The following WDR27 variants were observed in gnomAD, a reference collection of about 807,000 sequenced individuals.
The protein encoded by WDR27 is WD repeat-containing protein 27.
WDR27 carries 100 observed loss-of-function variants against 114.4 expected under a neutral mutation model. That is an observed-to-expected ratio of 0.87 (90% confidence interval 0.74 to 1.03). The LOEUF (loss-of-function observed/expected upper bound fraction) is 1.03, where lower values mean the gene tolerates loss of function less well. Ranked by LOEUF, WDR27 falls within the 50% of genes least tolerant of loss-of-function variation. The pLI is 0.00. For synonymous variants in WDR27, 449 were observed against 423.1 expected, an observed-to-expected ratio of 1.06 and a Z score of -0.75; for missense variants, 1,129 against 1,092.9, an observed-to-expected ratio of 1.03 and a Z score of -0.47.
At chr6:169,489,017 A>G (rs905147612) in intron 25 of WDR27, among the ~76,000 whole-genome samples, 4 of 150,108 alleles carry the variant, frequency 2.7e-5, no homozygotes, top group South Asian at 2.1e-4. Context: ...CTGTTGATAC[A>G]TAATCATTTA....
chr6:169,578,147 G>C (rs921942976), intron 24 of WDR27, among the ~76,000 whole-genome samples: 6 of 152,204 alleles, frequency 3.9e-5, no homozygotes, highest in Non-Finnish European at 7.3e-5. Context: ...GGGAAACGCA[G>C]GTCCTTCTGA....
chr6:169,554,281 A>C (rs1418961325), intron 25 of WDR27, among the ~76,000 whole-genome samples: 1 of 152,170 alleles, frequency 6.6e-6, no homozygotes, highest in Admixed American at 6.5e-5. Flanking sequence ...ACGGGGCTGC[A>C]GTCGGGCACA....
the WDR27 span, among the ~76,000 whole-genome samples, chr6:169,435,399 G>C: frequency 6.6e-6 from 1 of 152,172 alleles, no homozygotes; most frequent in Non-Finnish European, 1.5e-5. Flanking sequence ...CCAACAACTT[G>C]CACCGTGCTC....
intron 22 of WDR27, among the ~76,000 whole-genome samples, chr6:169,607,428 A>ACACAC (rs1412375260): frequency 0.011 from 246 of 22,888 alleles, 1 homozygote; most frequent in African/African-American, 0.026. Context: ...ACACACATAT[A>ACACAC]ATATAATATT....
At chr6:169,474,824 CAT>C (rs1177898052) in intron 25 of WDR27, among the ~76,000 whole-genome samples, 1 of 152,158 alleles carries the variant, frequency 6.6e-6, no homozygotes, top group Non-Finnish European at 1.5e-5. Flanking sequence ...GCAAATCTCT[CAT>C]ATAGGACATG....
chr6:169,569,767 A>G (rs970882002), intron 25 of WDR27, among the ~76,000 whole-genome samples: 4 of 152,212 alleles, frequency 2.6e-5, no homozygotes, highest in African/African-American at 9.6e-5. Context: ...AATTCATGCA[A>G]GTCTATTAAT....
rs1404665200 is a variant in WDR27 at position 169,551,627 on chromosome 6, C to A, written c.2645+20792G>T. Among the ~76,000 whole-genome samples, 3 of 151,468 alleles carry A rather than the reference C, an allele frequency of 2.0e-5. No homozygotes were observed. In the East Asian group the frequency reaches 5.9e-4, roughly 30 times the overall value. On this transcript the variant is annotated intron_variant, in intron 25 of 25. Coordinates refer to ENST00000448612, the MANE Select transcript of WDR27 (RefSeq NM_182552.5). ...TGGTGGGTGCCTGTAATCCCAGCTA[C>A]TCAGGAGGCTGAGGCAGGAGAATCA...
chr6:169,701,988 C>G lies in WDR27; in HGVS notation c.-445G>C. ...GCCACACTCCGCCCCACGCTCGCCGCTATGGTTACTTGCCAGCCGACCCAC... is the reference window on the plus strand; with the variant it reads ...GCCACACTCCGCCCCACGCTCGCCGGTATGGTTACTTGCCAGCCGACCCAC... On this transcript the variant is annotated 5_prime_UTR_variant, in exon 1 of 26. Coordinates refer to ENST00000448612, the MANE Select transcript of WDR27 (RefSeq NM_182552.5). 4.9e-6 allele frequency: 2 copies of G among 411,708 alleles called. No homozygotes were observed. The highest frequency in any genetic ancestry group is 4.9e-6 in the Non-Finnish European group (1 of 204,032). 25.5% of individuals were successfully genotyped at this position (411,708 alleles called of 1,614,324 possible). A position where few individuals can be genotyped will look rare whatever the true frequency, so the allele number is the denominator to read the frequency against.
chr6:169,628,413 A>G (rs1188455721), intron 21 of WDR27, among the ~76,000 whole-genome samples: 6 of 152,208 alleles, frequency 3.9e-5, no homozygotes, highest in African/African-American at 1.4e-4. Flanking sequence ...CAGGATTTAA[A>G]ATATGAGTCG....
At chr6:169,597,415 A>T (rs2128163436) in intron 23 of WDR27, among the ~76,000 whole-genome samples, 1 of 152,260 alleles carries the variant, frequency 6.6e-6, no homozygotes, top group South Asian at 2.1e-4. Context: ...ATTACAAAAA[A>T]AACTCCCAAG....
chr6:169,581,325 C>A (rs1398593540), intron 24 of WDR27, among the ~76,000 whole-genome samples: 1 of 152,132 alleles, frequency 6.6e-6, no homozygotes, highest in African/African-American at 2.4e-5. Context: ...CCTCTCCCCA[C>A]CGCCCACCCT....
intron 2 of WDR27, among the ~76,000 whole-genome samples, chr6:169,688,105 G>T (rs1325554788): frequency 6.6e-6 from 1 of 152,062 alleles, no homozygotes; most frequent in Non-Finnish European, 1.5e-5. Context: ...TACATAAGTA[G>T]AATGTAATTC....
intron 17 of WDR27, among the ~76,000 whole-genome samples, chr6:169,639,216 G>A (rs541638154): frequency 7.3e-5 from 11 of 151,552 alleles, no homozygotes; most frequent in South Asian, 6.3e-4. Flanking sequence ...TGGGTACTGC[G>A]TGGTGCCGGG....
At chr6:169,650,138 A>C (rs1421444163) in intron 14 of WDR27, among the ~76,000 whole-genome samples, 2 of 110,028 alleles carry the variant, frequency 1.8e-5, no homozygotes, top group Non-Finnish European at 3.7e-5. Context: ...TCCATCTCTC[A>C]ACTCCGCCCC....
downstream of WDR27, among the ~76,000 whole-genome samples, chr6:169,452,645 C>T (rs1784204443): frequency 6.6e-6 from 1 of 152,046 alleles, no homozygotes. Context: ...GAGGGCAAGG[C>T]GGAGCCCAGG....
At chr6:169,451,363 C>T in the WDR27 span, among the ~76,000 whole-genome samples, 8 of 152,158 alleles carry the variant, frequency 5.3e-5, no homozygotes, top group Non-Finnish European at 1.2e-4. Context: ...TCATGTCTCC[C>T]TAAAATGTAT....
intron 22 of WDR27, among the ~76,000 whole-genome samples, chr6:169,608,219 C>G (rs1431755534): frequency 6.6e-6 from 1 of 152,186 alleles, no homozygotes; most frequent in Non-Finnish European, 1.5e-5. Context: ...AGCAGTCTCA[C>G]TACTTGGTAT....
chr6:169,527,384 G>A (rs1795076092), intron 25 of WDR27, among the ~76,000 whole-genome samples: 1 of 151,160 alleles, frequency 6.6e-6, no homozygotes, highest in Non-Finnish European at 1.5e-5. Flanking sequence ...GACACAAAAG[G>A]CCACATATTG....
intron 25 of WDR27, among the ~76,000 whole-genome samples, chr6:169,545,539 C>T (rs1797355666): frequency 6.6e-6 from 1 of 151,974 alleles, no homozygotes; most frequent in Admixed American, 6.6e-5. Flanking sequence ...AAAATTAGTG[C>T]AGCGTGGTGG....
Sources: gnomAD v4.1 joint callset for allele counts (sites outside exome capture counted in the v4.1 genomes callset) on GRCh38, gnomAD v4.1.1 for gene constraint, MANE v1.5 for transcripts, NCBI Gene and HGNC (gene_info 2026-07-23, HGNC 2026-07-21) for gene names.